The following ABLIM2 variants were observed in gnomAD, a reference collection of about 807,000 sequenced individuals.
The protein encoded by ABLIM2 is actin-binding LIM protein 2.
ABLIM2 carries 53 observed loss-of-function variants against 97.7 expected under a neutral mutation model. The observed-to-expected ratio is 0.54, with a 90% CI of 0.44 to 0.68. ABLIM2 has a LOEUF of 0.68. Ranked by LOEUF, ABLIM2 falls within the 30% of genes least tolerant of loss-of-function variation. The probability of loss-of-function intolerance (pLI) is 0.00; values close to 1 mark genes in which losing one functional copy is unlikely to be tolerated. For synonymous variants in ABLIM2, 361 were observed against 345.8 expected, an observed-to-expected ratio of 1.04 and a Z score of -0.49; for missense variants, 835 against 867.2, an observed-to-expected ratio of 0.96 and a Z score of 0.47.
At chr4:8,037,380 G>A (rs1431306820) in intron 9 of ABLIM2, among the ~76,000 whole-genome samples, 1 of 150,826 alleles carries the variant, frequency 6.6e-6, no homozygotes, top group African/African-American at 2.4e-5. Flanking sequence ...CTACACACAT[G>A]TGCATGTATA....
At chr4:8,006,965 G>T (rs578044723) in intron 16 of ABLIM2, 8 of 942,510 alleles carry the variant, frequency 8.5e-6, no homozygotes, top group Non-Finnish European at 8.8e-6. Flanking sequence ...CCAGGCGGGG[G>T]CAGAGGCCTG....
At position 7,970,142 on chromosome 4, in the gene ABLIM2, T is replaced by C. The variant is rs539649116; in HGVS notation, c.1825-3039A>G. 1.3e-5 allele frequency among the ~76,000 whole-genome samples: 2 copies of C among 152,116 alleles called. No individual in the cohort carries two copies. Among genetic ancestry groups the C allele is most frequent in the African/African-American group, 4.8e-5 (2 of 41,428 alleles). On this transcript the variant is annotated intron_variant, in intron 20 of 20. Transcript: ENST00000447017. This position sits in a 1 kb window ranked among gnomAD's most constrained non-coding sequence, Gnocchi z 5.3. ...GTGATACCAGACCTTGTTCCAGACA[T>C]GGAAAGTCAGAGACACAAGGCCCCT... is the stretch of plus-strand genomic sequence containing the variant.
chr4:8,152,136 C>T (rs997270988), intron 1 of ABLIM2, among the ~76,000 whole-genome samples: 4 of 152,112 alleles, frequency 2.6e-5, no homozygotes, highest in Non-Finnish European at 5.9e-5. Context: ...CATCATGATG[C>T]CCCCAAACGG....
In ABLIM2 at chr4:8,153,963, C is replaced by CTTT. The variant is rs55681745; in HGVS notation, c.10+4714_10+4716dup. On this transcript the variant is annotated intron_variant, in intron 1 of 20. Transcript: ENST00000447017. ...CTGTTTTCTAAATTAAACTTCTTTT[C>CTTT]TTTTTTTTTTTTTTTTTGAGATACA... 9.1e-3 allele frequency among the ~76,000 whole-genome samples: 1,200 copies of CTTT among 131,838 alleles called. 25 individuals carry two copies. The highest frequency in any genetic ancestry group is 9.9e-3 in the Non-Finnish European group (634 of 63,892). 86.5% of individuals were successfully genotyped at this position (131,838 alleles called of 152,430 possible).
chr4:8,150,525 T>C lies in ABLIM2; in HGVS notation c.10+8155A>G, dbSNP rs1463638102. On this transcript the variant is annotated intron_variant, in intron 1 of 20. Coordinates refer to ENST00000447017, the MANE Select transcript of ABLIM2 (RefSeq NM_001130083.2). This position sits in a 1 kb window ranked among gnomAD's most constrained non-coding sequence, Gnocchi z 6.3. Reference sequence around the variant, plus strand: ...CTTGGTGCGCTGGCTGGACTCACATTTCCAGATCGTCTCTCTAACTCGTCT... The same window carrying C: ...CTTGGTGCGCTGGCTGGACTCACATCTCCAGATCGTCTCTCTAACTCGTCT... Among the ~76,000 whole-genome samples, 2 of 152,180 alleles carry C rather than the reference T, an allele frequency of 1.3e-5. No individual in the cohort carries two copies. Among genetic ancestry groups the C allele is most frequent in the East Asian group, 3.9e-4 (2 of 5,184 alleles).
chr4:8,053,860 G>C (rs1797453381), intron 8 of ABLIM2, among the ~76,000 whole-genome samples: 1 of 152,086 alleles, frequency 6.6e-6, no homozygotes, highest in Admixed American at 6.5e-5. Context: ...TCCTGCCACG[G>C]GACGGCTCTC....
chr4:8,111,865 C>T (rs538516002), intron 1 of ABLIM2, among the ~76,000 whole-genome samples: 7 of 147,138 alleles, frequency 4.8e-5, no homozygotes, highest in South Asian at 2.2e-4. Flanking sequence ...AGGCAGAGGT[C>T]GCAGTGAGCC....
In ABLIM2 at chr4:8,087,077, G is replaced by A. The variant is rs529145500; in HGVS notation, c.454+1092C>T. 7.3e-4 allele frequency among the ~76,000 whole-genome samples: 111 copies of A among 152,308 alleles called. No homozygotes were observed. Among genetic ancestry groups the A allele is most frequent in the Middle Eastern group, 6.8e-3 (2 of 294 alleles). On this transcript the variant is annotated intron_variant, in intron 4 of 20. Coordinates refer to ENST00000447017, the MANE Select transcript of ABLIM2 (RefSeq NM_001130083.2). This position sits in a 1 kb window ranked among gnomAD's most constrained non-coding sequence, Gnocchi z 4.6. ...AGACTCTCAACGCAGCAGACAAGGTGGGGGAGAAAGGAGGCATTTGACACA... is the reference window on the plus strand; with the variant it reads ...AGACTCTCAACGCAGCAGACAAGGTAGGGGAGAAAGGAGGCATTTGACACA...
At chr4:7,984,937 G>A (rs772052091) in intron 17 of ABLIM2, 44 bp from the exon 18 acceptor site, 9 of 1,589,664 alleles carry the variant, frequency 5.7e-6, no homozygotes, top group African/African-American at 4.0e-5. Flanking sequence ...CAGGCGGCAC[G>A]AGGGTGTGTG....
chr4:8,111,916 G>T (rs1320199202), intron 1 of ABLIM2, among the ~76,000 whole-genome samples: 1 of 97,588 alleles, frequency 1.0e-5, no homozygotes, highest in Non-Finnish European at 2.0e-5. Context: ...GACAGAATAA[G>T]ACTCTGTCTC....
At chr4:8,020,846 C>CTTTTTTTTTTT in intron 12 of ABLIM2, 1 of 94,720 alleles carries the variant, frequency 1.1e-5, no homozygotes, top group African/African-American at 4.1e-5. Flanking sequence ...TTACCACATT[C>CTTTTTTTTTTT]TTTTTTTTTT....
chr4:8,017,368 C>T (rs1474203650), intron 14 of ABLIM2, among the ~76,000 whole-genome samples: 4 of 151,870 alleles, frequency 2.6e-5, no homozygotes, highest in African/African-American at 4.8e-5. Context: ...CTCACTGCAA[C>T]TTCCGCCTCC....
intron 3 of ABLIM2, among the ~76,000 whole-genome samples, chr4:8,088,662 C>G (rs1825401664): frequency 6.6e-6 from 1 of 152,236 alleles, no homozygotes; most frequent in South Asian, 2.1e-4. Flanking sequence ...TTCTTCATAT[C>G]AGCTCAGCAG....
chr4:7,994,040 A>G, intron 16 of ABLIM2: 2 of 444,524 alleles, frequency 4.5e-6, no homozygotes, highest in South Asian at 3.2e-5. Flanking sequence ...CAGAGCCTGG[A>G]CCCTGGAGGG....
intron 7 of ABLIM2, among the ~76,000 whole-genome samples, chr4:8,056,467 A>G (rs1799221587): frequency 6.6e-6 from 1 of 151,558 alleles, no homozygotes; most frequent in Non-Finnish European, 1.5e-5. Flanking sequence ...TGCCCAGCTA[A>G]TTTTTCATTT....
intron 1 of ABLIM2, among the ~76,000 whole-genome samples, chr4:8,135,073 C>T (rs533634334): frequency 6.6e-6 from 1 of 152,282 alleles, no homozygotes; most frequent in East Asian, 1.9e-4. Context: ...CAGACCAGTC[C>T]TGATGGTGGG....
chr4:8,110,877 C>A (rs1050107079), intron 1 of ABLIM2, among the ~76,000 whole-genome samples: 29 of 152,340 alleles, frequency 1.9e-4, no homozygotes, highest in Admixed American at 1.5e-3. Context: ...TCCAGCTGGC[C>A]CTTCCTGCCA....
At chr4:7,984,999 TGCCTGGGGAG>T (rs975067392) in intron 17 of ABLIM2, 106 bp from the exon 18 acceptor site, 185 of 1,210,238 alleles carry the variant, frequency 1.5e-4, no homozygotes, top group Non-Finnish European at 2.1e-4. Context: ...GTCCTCGTGC[TGCCTGGGGAG>T]TAGGGTGTCC....
At position 7,998,963 on chromosome 4, in the gene ABLIM2, G is replaced by C. The variant is rs1755298943; in HGVS notation, c.1619-6036C>G. On this transcript the variant is annotated intron_variant, in intron 16 of 20. Transcript: ENST00000447017. The surrounding 1 kb of genome is among the most constrained non-coding windows in gnomAD (Gnocchi z 6.4). ...ACACTATCTCACCCCCTGGACTGCT[G>C]TCTGGACTCCTGAAGTTGGTCTCTG... Among the ~76,000 whole-genome samples the C allele has an allele frequency of 6.6e-6, 1 of 152,268 alleles. No homozygotes were observed. Among genetic ancestry groups the C allele is most frequent in the Admixed American group, 6.5e-5 (1 of 15,284 alleles).
Sources: gnomAD v4.1 joint callset for allele counts (sites outside exome capture counted in the v4.1 genomes callset) on GRCh38, gnomAD v4.1.1 for gene constraint, Gnocchi (gnomAD v3.1) non-coding constraint, MANE v1.5 for transcripts, NCBI Gene and HGNC (gene_info 2026-07-23, HGNC 2026-07-21) for gene names.